Variants in CORO2B observed in about 807,000 individuals in gnomAD.
The protein encoded by CORO2B is coronin-2B.
A neutral mutation model predicts 58.8 loss-of-function variants in CORO2B; 26 were observed. The observed-to-expected ratio is 0.44, with a 90% CI of 0.32 to 0.61. The LOEUF is 0.61. CORO2B is among the 20% of genes least tolerant of loss of function. The probability of loss-of-function intolerance (pLI) is 0.04; values close to 1 mark genes in which losing one functional copy is unlikely to be tolerated. For missense variants in CORO2B, 460 were observed against 645.1 expected (o/e 0.71, Z 3.11); for synonymous variants, 242 against 253.8 (o/e 0.95, Z 0.44).
intron 1 of CORO2B, among the ~76,000 whole-genome samples, chr15:68,642,687 C>A (rs183254649): frequency 6.6e-6 from 1 of 152,128 alleles, no homozygotes; most frequent in African/African-American, 2.4e-5. Flanking sequence ...CAGAGCAGTG[C>A]CCCACCCCCA....
At chr15:68,680,028 G>A (rs1902725794) in intron 2 of CORO2B, among the ~76,000 whole-genome samples, 1 of 152,002 alleles carries the variant, frequency 6.6e-6, no homozygotes, top group South Asian at 2.1e-4. Context: ...TATGGTGTCT[G>A]GGCAGGGAAG....
intron 11 of CORO2B, among the ~76,000 whole-genome samples, chr15:68,723,756 C>A (rs1016147218): frequency 2.0e-5 from 3 of 152,080 alleles, no homozygotes; most frequent in Non-Finnish European, 1.5e-5. Flanking sequence ...CGGCCGATAC[C>A]TTCTTTAAAC....
chr15:68,683,885 A>G (rs1902875949), intron 2 of CORO2B, among the ~76,000 whole-genome samples: 2 of 152,198 alleles, frequency 1.3e-5, no homozygotes, highest in African/African-American at 4.8e-5. Flanking sequence ...TGGGCATGGC[A>G]TGGGCAGTAG....
chr15:68,636,070 A>G (rs533045816), intron 1 of CORO2B, among the ~76,000 whole-genome samples: 1 of 152,376 alleles, frequency 6.6e-6, no homozygotes, highest in South Asian at 2.1e-4. Context: ...ACCCAGACGC[A>G]TCTGGAAATG....
At chr15:68,600,803 C>T (rs1899962137) in intron 1 of CORO2B, among the ~76,000 whole-genome samples, 1 of 152,224 alleles carries the variant, frequency 6.6e-6, no homozygotes. Flanking sequence ...CTTCCTGGCC[C>T]TTGAGCCCCT....
chr15:68,719,986 T>C (rs1893123611), intron 11 of CORO2B, among the ~76,000 whole-genome samples: 1 of 152,214 alleles, frequency 6.6e-6, no homozygotes, highest in Non-Finnish European at 1.5e-5. Context: ...GAAGGTGCTC[T>C]CTGTACCACT....
chr15:68,711,755 G>T (rs772651523), intron 5 of CORO2B, 49 bp downstream of exon 5: 3 of 1,605,732 alleles, frequency 1.9e-6, no homozygotes, highest in Non-Finnish European at 2.6e-6. Context: ...TTGAGGGCTG[G>T]GGCTCAGCTT....
the CORO2B span, among the ~76,000 whole-genome samples, chr15:68,529,333 C>T: frequency 6.6e-6 from 1 of 152,110 alleles, no homozygotes; most frequent in Non-Finnish European, 1.5e-5. Context: ...ATGTTCTTTT[C>T]AAGTCATATC....
At position 68,710,748 on chromosome 15, in the gene CORO2B, T is replaced by A; in HGVS notation, c.350T>A (p.Ile117Asn). The A allele has an allele frequency of 1.2e-6, 2 of 1,608,240 alleles. No individual in the cohort carries two copies. Among genetic ancestry groups the A allele is most frequent in the Non-Finnish European group, 8.5e-7 (1 of 1,177,124 alleles). ...CCTCTGCAGGTGCGGATCTGGGAGATCCCCGAGGGCGGGCTGAAGCGGAAC... is the reference window on the plus strand; with the variant it reads ...CCTCTGCAGGTGCGGATCTGGGAGAACCCCGAGGGCGGGCTGAAGCGGAAC... ...SEDTSVRIWE[I>N]PEGGLKRNMT... The change falls in exon 4 of 12, where the codon ATC becomes AAC. Residue 117 changes from isoleucine to asparagine, a missense_variant. Physicochemically the swap from Ile to Asn is moderately radical, Grantham distance 149. Coordinates refer to ENST00000261861, the MANE Select transcript of CORO2B (RefSeq NM_006091.5). The surrounding 1 kb of genome is among the most constrained non-coding windows in gnomAD (Gnocchi z 4.1).
At chr15:68,638,241 A>G (rs532924797) in intron 1 of CORO2B, among the ~76,000 whole-genome samples, 121 of 151,786 alleles carry the variant, frequency 8.0e-4, no homozygotes, top group Non-Finnish European at 1.5e-3. Context: ...CCTCCTGGCA[A>G]AGCCTGACCT....
chr15:68,675,975 A>G (rs1246799194), intron 2 of CORO2B, among the ~76,000 whole-genome samples: 1 of 152,058 alleles, frequency 6.6e-6, no homozygotes, highest in Non-Finnish European at 1.5e-5. Context: ...GAAATGGAAT[A>G]GAATATAGAA....
intron 2 of CORO2B, among the ~76,000 whole-genome samples, chr15:68,672,464 A>T (rs1902436109): frequency 6.6e-6 from 1 of 152,164 alleles, no homozygotes; most frequent in African/African-American, 2.4e-5. Flanking sequence ...GTGTGTGTAC[A>T]GATGGGGTCT....
At chr15:68,716,241 C>G (rs1252087433) in intron 8 of CORO2B, among the ~76,000 whole-genome samples, 1 of 152,246 alleles carries the variant, frequency 6.6e-6, no homozygotes, top group African/African-American at 2.4e-5. Context: ...TCAGCCTGGA[C>G]TTTGGAGTCA....
the CORO2B span, among the ~76,000 whole-genome samples, chr15:68,520,904 C>G: frequency 6.6e-6 from 1 of 152,080 alleles, no homozygotes. Context: ...CAAAAATTAG[C>G]CAGCCATGAT....
At chr15:68,699,909 G>T (rs116108198) in intron 3 of CORO2B, among the ~76,000 whole-genome samples, 5 of 152,166 alleles carry the variant, frequency 3.3e-5, no homozygotes, top group African/African-American at 1.2e-4. Context: ...GATTCATCAC[G>T]CTCAACATTT....
chr15:68,616,336 G>A (rs1264282164), intron 1 of CORO2B, among the ~76,000 whole-genome samples: 1 of 152,092 alleles, frequency 6.6e-6, no homozygotes, highest in Non-Finnish European at 1.5e-5. Flanking sequence ...AAAGCTCTCT[G>A]GTCATCCTAG....
intron 2 of CORO2B, among the ~76,000 whole-genome samples, chr15:68,651,771 C>A (rs1190662715): frequency 6.6e-6 from 1 of 152,190 alleles, no homozygotes; most frequent in Non-Finnish European, 1.5e-5. Flanking sequence ...TGCCCAGGAT[C>A]CCCAAATCCC....
chr15:68,597,799 T>C (rs1321552653), intron 1 of CORO2B, among the ~76,000 whole-genome samples: 1 of 152,194 alleles, frequency 6.6e-6, no homozygotes, highest in African/African-American at 2.4e-5. Context: ...CCCAGTGGCC[T>C]GCACAGTTAG....
At chr15:68,693,528 T>C (rs1193714407) in intron 2 of CORO2B, among the ~76,000 whole-genome samples, 1 of 152,002 alleles carries the variant, frequency 6.6e-6, no homozygotes, top group Non-Finnish European at 1.5e-5. Context: ...TCCTCCAAAC[T>C]CCCCAAAAAA....
Sources: gnomAD v4.1 joint callset for allele counts (sites outside exome capture counted in the v4.1 genomes callset) on GRCh38, gnomAD v4.1.1 for gene constraint, Gnocchi (gnomAD v3.1) non-coding constraint, MANE v1.5 for transcripts, NCBI Gene and HGNC (gene_info 2026-07-23, HGNC 2026-07-21) for gene names.